EDIL3: variants seen among roughly 807,000 people sequenced by gnomAD.
The protein encoded by EDIL3 is EGF-like repeat and discoidin I-like domain-containing protein 3.
EDIL3 carries 37 observed loss-of-function variants against 67.4 expected under a neutral mutation model. The ratio of observed to expected loss-of-function variants is 0.55; its 90% CI spans 0.42 to 0.72. EDIL3 has a LOEUF of 0.72. Ranked by LOEUF, EDIL3 falls within the 30% of genes least tolerant of loss-of-function variation. EDIL3 has a pLI of 0.00. For missense variants in EDIL3, 527 were observed against 586.3 expected (o/e 0.90, Z 1.04); for synonymous variants, 195 against 196.3 (o/e 0.99, Z 0.05).
At chr5:84,082,841 G>T (rs1465757394) in intron 6 of EDIL3, among the ~76,000 whole-genome samples, 1 of 152,124 alleles carries the variant, frequency 6.6e-6, no homozygotes, top group African/African-American at 2.4e-5. Flanking sequence ...AAAGGTAGCT[G>T]CTAGGAATGT....
chr5:84,206,806 T>C (rs1440400878), intron 3 of EDIL3, among the ~76,000 whole-genome samples: 1 of 152,144 alleles, frequency 6.6e-6, no homozygotes, highest in Non-Finnish European at 1.5e-5. Context: ...CACATGATTA[T>C]CTCAATAGAT....
chr5:84,275,671 G>A (rs992118302), intron 1 of EDIL3, among the ~76,000 whole-genome samples: 4 of 152,120 alleles, frequency 2.6e-5, no homozygotes, highest in African/African-American at 9.7e-5. Flanking sequence ...TAAGGCAAGC[G>A]AAAGAGGTGA....
chr5:84,294,769 T>C (rs1006432428), intron 1 of EDIL3, among the ~76,000 whole-genome samples: 1 of 152,194 alleles, frequency 6.6e-6, no homozygotes, highest in Non-Finnish European at 1.5e-5. Flanking sequence ...TCAGGTGCTG[T>C]GGTAACACAT....
At chr5:84,133,393 T>G (rs1230599450) in intron 5 of EDIL3, among the ~76,000 whole-genome samples, 1 of 142,702 alleles carries the variant, frequency 7.0e-6, no homozygotes, top group Non-Finnish European at 1.5e-5. Flanking sequence ...GAGGCCGAGG[T>G]GAGAAGATCA....
intron 9 of EDIL3, among the ~76,000 whole-genome samples, chr5:83,986,306 T>C (rs1036854488): frequency 6.6e-6 from 1 of 152,150 alleles, no homozygotes; most frequent in African/African-American, 2.4e-5. Context: ...CCAAGTGTCT[T>C]CCATCATATG....
chr5:83,970,274 A>G (rs1342933570), intron 9 of EDIL3, among the ~76,000 whole-genome samples: 1 of 147,488 alleles, frequency 6.8e-6, no homozygotes, highest in Non-Finnish European at 1.5e-5. Context: ...ATATATATAT[A>G]TATATATAGT....
chr5:84,094,643 G>A (rs1747230251), intron 6 of EDIL3, among the ~76,000 whole-genome samples: 1 of 152,110 alleles, frequency 6.6e-6, no homozygotes, highest in Non-Finnish European at 1.5e-5. Context: ...AAATGAAATA[G>A]ATGATTAGTT....
intron 5 of EDIL3, among the ~76,000 whole-genome samples, chr5:84,130,686 T>G (rs1265342607): frequency 2.0e-5 from 3 of 152,136 alleles, no homozygotes. Context: ...ATACTGGAAT[T>G]ATTAATTCTG....
intron 1 of EDIL3, among the ~76,000 whole-genome samples, chr5:84,367,232 A>G (rs1225355838): frequency 1.3e-5 from 2 of 152,312 alleles, no homozygotes; most frequent in Admixed American, 1.3e-4. Context: ...CATAAAGGGA[A>G]ACACAAGCAT....
In EDIL3 at chr5:84,384,414, C is replaced by T. The variant is rs763308451; in HGVS notation, c.-40G>A. On this transcript the variant is annotated 5_prime_UTR_variant, in exon 1 of 11. Transcript: ENST00000296591. ...GACGTGACCCCGGCTGGTCAGGGGT[C>T]GTCGCGGAGGGCAGTGTAGCCGAGG... The T allele has an allele frequency of 8.1e-6, 13 of 1,609,512 alleles. No individual in the cohort carries two copies. The highest frequency in any genetic ancestry group is 1.0e-5 in the Non-Finnish European group (12 of 1,177,640).
At chr5:84,253,619 T>C (rs1745074153) in intron 2 of EDIL3, among the ~76,000 whole-genome samples, 1 of 152,138 alleles carries the variant, frequency 6.6e-6, no homozygotes, top group African/African-American at 2.4e-5. Flanking sequence ...ATCCTCTTCT[T>C]TATATGCTTA....
chr5:84,230,928 A>G (rs1233621103), intron 2 of EDIL3, among the ~76,000 whole-genome samples: 1 of 152,158 alleles, frequency 6.6e-6, no homozygotes, highest in Non-Finnish European at 1.5e-5. Flanking sequence ...CAACCCACAT[A>G]TGGATACACA....
chr5:84,166,105 G>A (rs754185398), intron 4 of EDIL3, among the ~76,000 whole-genome samples: 5 of 151,922 alleles, frequency 3.3e-5, no homozygotes, highest in Non-Finnish European at 7.4e-5. Context: ...ATCTTAAAAA[G>A]CTTTAAAAAT....
chr5:83,962,205 C>T (rs1744616118), intron 10 of EDIL3, among the ~76,000 whole-genome samples: 1 of 151,292 alleles, frequency 6.6e-6, no homozygotes, highest in Non-Finnish European at 1.5e-5. Context: ...GTTAATAATG[C>T]AATAACCATA....
chr5:84,267,020 A>C (rs903905641), intron 1 of EDIL3, among the ~76,000 whole-genome samples: 2 of 152,210 alleles, frequency 1.3e-5, no homozygotes, highest in Non-Finnish European at 2.9e-5. Context: ...TATGGAAAAA[A>C]TAAATTTTAT....
chr5:84,127,131 A>G (rs1747882421), intron 5 of EDIL3, among the ~76,000 whole-genome samples: 1 of 152,058 alleles, frequency 6.6e-6, no homozygotes, highest in African/African-American at 2.4e-5. Flanking sequence ...TTTCGTAGTT[A>G]GATAATAGTG....
chr5:84,358,401 C>G (rs1747530599), intron 1 of EDIL3, among the ~76,000 whole-genome samples: 1 of 152,022 alleles, frequency 6.6e-6, no homozygotes, highest in Non-Finnish European at 1.5e-5. Flanking sequence ...TTTGCTATTG[C>G]TTTCATATAT....
At chr5:84,033,834 T>C (rs534776598) in intron 9 of EDIL3, among the ~76,000 whole-genome samples, 29 of 152,234 alleles carry the variant, frequency 1.9e-4, no homozygotes, top group African/African-American at 6.0e-4. Context: ...AGTTACACTC[T>C]GTGGGATATA....
At chr5:84,035,040 T>G (rs1295006674) in intron 9 of EDIL3, among the ~76,000 whole-genome samples, 2 of 152,168 alleles carry the variant, frequency 1.3e-5, no homozygotes, top group South Asian at 4.2e-4. Flanking sequence ...ACTGATGTTT[T>G]TTTAAAATTG....
Sources: allele counts gnomAD v4.1 joint callset (sites outside exome capture counted in the v4.1 genomes callset), GRCh38; gene constraint gnomAD v4.1.1; transcripts MANE v1.5; gene names NCBI Gene and HGNC (gene_info 2026-07-23, HGNC 2026-07-21).